Variants in FERMT1 observed in about 807,000 individuals in gnomAD.
The protein encoded by FERMT1 is fermitin family homolog 1.
Under a neutral mutation model 85.3 loss-of-function variants are expected in FERMT1, and 60 were observed. That is an observed-to-expected ratio of 0.70 (90% CI 0.57 to 0.87). The LOEUF (loss-of-function observed/expected upper bound fraction) is 0.87. Among genes scored for constraint, FERMT1 ranks in the 40% least tolerant of loss-of-function variants. The pLI is 0.00. For synonymous variants in FERMT1, 275 were observed against 301.1 expected (o/e 0.91, Z 0.90); for missense variants, 701 against 818.9 (o/e 0.86, Z 1.76).
intron 9 of FERMT1, among the ~76,000 whole-genome samples, chr20:6,090,028 C>T (rs1268031758): frequency 6.6e-6 from 1 of 152,140 alleles, no homozygotes; most frequent in African/African-American, 2.4e-5. Flanking sequence ...AAGAAAGGAA[C>T]CTTGGTGTTC....
At chr20:6,108,313 A>G (rs1317366768) in intron 5 of FERMT1, among the ~76,000 whole-genome samples, 1 of 152,262 alleles carries the variant, frequency 6.6e-6, no homozygotes, top group Non-Finnish European at 1.5e-5. Flanking sequence ...GATAAGGGAT[A>G]CTGAACCTGT....
intron 2 of FERMT1, among the ~76,000 whole-genome samples, chr20:6,117,446 TTTTTTGAGATGGAGTCTCACTCTG>T (rs948064464): frequency 6.6e-6 from 1 of 151,366 alleles, no homozygotes; most frequent in Non-Finnish European, 1.5e-5. Context: ...TTTTTTTTTT[TTTTTTGAGATGGAGTCTCACTCTG>T]TTGCCCAGGC....
intron 5 of FERMT1, 150 bp downstream of exon 5, chr20:6,110,148 A>C: frequency 1.4e-6 from 1 of 711,626 alleles, no homozygotes; most frequent in South Asian, 1.6e-5. Flanking sequence ...CCAAAGGCTG[A>C]ATTTTTCCCC....
chr20:6,118,089 G>A (rs1268146577), intron 2 of FERMT1, among the ~76,000 whole-genome samples: 1 of 152,188 alleles, frequency 6.6e-6, no homozygotes, highest in Non-Finnish European at 1.5e-5. Context: ...TGAAAGACAG[G>A]TGTTACAGCA....
At chr20:6,112,261 T>C (rs1982971994) in intron 4 of FERMT1, among the ~76,000 whole-genome samples, 1 of 152,150 alleles carries the variant, frequency 6.6e-6, no homozygotes, top group Admixed American at 6.5e-5. Flanking sequence ...CAACATCAGA[T>C]ATACAATTCA....
At chr20:6,088,504 T>C (rs1982249265) in intron 10 of FERMT1, among the ~76,000 whole-genome samples, 1 of 152,202 alleles carries the variant, frequency 6.6e-6, no homozygotes, top group South Asian at 2.1e-4. Flanking sequence ...GGCTCATGCT[T>C]GGAAGAGCAG....
chr20:6,083,905 G>C, intron 13 of FERMT1, 135 bp downstream of exon 13: 8 of 1,008,442 alleles, frequency 7.9e-6, no homozygotes. Context: ...CAAAGTGTCA[G>C]GACTATTTAT....
At chr20:6,121,604 T>C (rs888984818) in intron 1 of FERMT1, among the ~76,000 whole-genome samples, 1 of 152,230 alleles carries the variant, frequency 6.6e-6, no homozygotes, top group Non-Finnish European at 1.5e-5. Context: ...TATGATGTGC[T>C]CTGTGTTAAC....
intron 10 of FERMT1, 61 bp from the exon 11 acceptor site, chr20:6,087,944 G>C: frequency 1.1e-6 from 1 of 930,444 alleles, no homozygotes; most frequent in Non-Finnish European, 1.8e-6. Flanking sequence ...TAAACATCAG[G>C]TGTGTATCTG....
rs1279258488 is a variant in FERMT1 at position 6,097,586 on chromosome 20, C to T, written c.895G>A (p.Ala299Thr). 6.2e-7 allele frequency: 1 copy of T among 1,613,848 alleles called. No homozygotes were observed. The highest frequency in any genetic ancestry group is 1.7e-5 in the Admixed American group (1 of 59,998). The change falls in exon 7 of 15, where the codon GCC (alanine) becomes ACC (threonine). Residue 299 changes from alanine (A) to threonine (T), a missense_variant. By Grantham distance (58) the Ala-to-Thr change is moderately conservative. Coordinates refer to ENST00000217289, the MANE Select transcript of FERMT1 (RefSeq NM_017671.5). ...INQLYEQARW[A>T]ILLEEIDCTE... ...CAATCAATTTCTTCTAAGAGAATGG[C>T]CCACCTGGCTTGCTCATAGAGTTGG...
chr20:6,112,665 G>A (rs1033399195), intron 3 of FERMT1, 42 bp from the exon 4 acceptor site: 2 of 1,366,826 alleles, frequency 1.5e-6, no homozygotes, highest in Admixed American at 2.2e-5. Flanking sequence ...AAAGTAAAAA[G>A]AAAACTCCTT....
At chr20:6,119,677 AC>A in intron 1 of FERMT1, 105 bp from the exon 2 acceptor site, 1 of 906,734 alleles carries the variant, frequency 1.1e-6, no homozygotes, top group Non-Finnish European at 1.7e-6. Context: ...TTTCATTGTA[AC>A]CTCCTCTTCA....
chr20:6,105,701 A>G (rs1982777879), intron 6 of FERMT1, among the ~76,000 whole-genome samples: 1 of 152,216 alleles, frequency 6.6e-6, no homozygotes, highest in Non-Finnish European at 1.5e-5. Context: ...TTAATTTGAA[A>G]ACATTATTTT....
chr20:6,119,635 C>T (rs1983212085), intron 1 of FERMT1, 63 bp from the exon 2 acceptor site: 2 of 1,401,652 alleles, frequency 1.4e-6, no homozygotes, highest in Non-Finnish European at 2.0e-6. Context: ...TGTCAGTAGA[C>T]TTGCAGAGCA....
chr20:6,083,943 C>G (rs1982085338), intron 13 of FERMT1, 97 bp downstream of exon 13: 9 of 1,400,048 alleles, frequency 6.4e-6, no homozygotes, highest in Non-Finnish European at 8.0e-6. Flanking sequence ...AAATAAAAAG[C>G]ATTCTATATT....
chr20:6,119,470 C>G lies in FERMT1; in HGVS notation c.85G>C (p.Val29Leu). The G allele has an allele frequency of 1.2e-6, 2 of 1,614,160 alleles. No individual in the cohort carries two copies. Among genetic ancestry groups the G allele is most frequent in the Non-Finnish European group, 1.7e-6 (2 of 1,179,990 alleles). Residue 29 changes from valine (V) to leucine (L), a missense_variant, in exon 2 of 15, where the codon GTC becomes CTC. Coordinates refer to ENST00000217289, the MANE Select transcript of FERMT1 (RefSeq NM_017671.5). ...AGGTCTCCAGATACTCTCAGTGTGA[C>G]GTCTTTCTGCTGCTCTTCATTGGGA... Reference protein sequence around the residue: ...DHPNEEQQKDVTLRVSGDLHV... With the variant: ...DHPNEEQQKDLTLRVSGDLHV...
Position 6,084,131 on chromosome 20 carries a change from C to T in FERMT1, c.1627G>A (p.Val543Met), listed in dbSNP as rs76933768. Residue 543 changes from valine to methionine, a missense_variant, in exon 13 of 15, where the codon GTG becomes ATG. Physicochemically the swap from Val to Met is conservative, Grantham distance 21 (BLOSUM62 1). Coordinates refer to ENST00000217289, the MANE Select transcript of FERMT1 (RefSeq NM_017671.5). Reference sequence around the variant, plus strand: ...GCTTCGACCAGGGGCATCTGGGCCACGTTCTGGTGCGCCTCCAGGATCCGG... The same window carrying T: ...GCTTCGACCAGGGGCATCTGGGCCATGTTCTGGTGCGCCTCCAGGATCCGG... ...AARILEAHQNVAQMPLVEAKL... is the reference protein window; with the variant it reads ...AARILEAHQNMAQMPLVEAKL... 624 of 1,613,422 alleles carry T rather than the reference C, an allele frequency of 3.9e-4. 2 individuals are homozygous for T. The Admixed American group carries it at 6.2e-3, about 16-fold the overall frequency.
At chr20:6,116,167 A>G (rs111292513) in intron 2 of FERMT1, 123 bp from the exon 3 acceptor site, 41 of 741,590 alleles carry the variant, frequency 5.5e-5, no homozygotes, top group African/African-American at 4.9e-4. Context: ...CCAGCTCCTC[A>G]TGGCCTTTTA....
At chr20:6,100,433 C>T (rs186620432) in intron 6 of FERMT1, among the ~76,000 whole-genome samples, 1 of 151,840 alleles carries the variant, frequency 6.6e-6, no homozygotes, top group Non-Finnish European at 1.5e-5. Context: ...GATGATTACT[C>T]AGGGCTGGGA....
Sources: gnomAD v4.1 joint callset for allele counts (sites outside exome capture counted in the v4.1 genomes callset) on GRCh38, gnomAD v4.1.1 for gene constraint, MANE v1.5 for transcripts, NCBI Gene and HGNC (gene_info 2026-07-23, HGNC 2026-07-21) for gene names.